PCSK5: variants seen among roughly 807,000 people sequenced by gnomAD.
The protein encoded by PCSK5 is prohormone convertase 5.
PCSK5 carries 129 observed loss-of-function variants against 233.2 expected under a neutral mutation model. The observed-to-expected ratio is 0.55, with a 90% CI of 0.48 to 0.64. PCSK5 has a LOEUF of 0.64. Ranked by LOEUF, PCSK5 falls within the 30% of genes least tolerant of loss-of-function variation. The pLI is 0.00. For missense variants in PCSK5, 2,076 were observed against 2,430.1 expected (o/e 0.85, Z 3.06); for synonymous variants, 825 against 879.2 (o/e 0.94, Z 1.09).
At chr9:76,041,140 G>A (rs189577780) in intron 5 of PCSK5, among the ~76,000 whole-genome samples, 76 of 152,252 alleles carry the variant, frequency 5.0e-4, no homozygotes, top group African/African-American at 1.5e-3. Context: ...TCTTATTTAC[G>A]TGGTAGAATT....
At chr9:76,088,571 T>C (rs1479512956) in intron 7 of PCSK5, among the ~76,000 whole-genome samples, 2 of 152,186 alleles carry the variant, frequency 1.3e-5, no homozygotes, top group Admixed American at 1.3e-4. Context: ...AAGTTACTTG[T>C]GGATTTTTTG....
chr9:76,327,694 G>A (rs1270074409), intron 32 of PCSK5, among the ~76,000 whole-genome samples: 1 of 152,264 alleles, frequency 6.6e-6, no homozygotes, highest in South Asian at 2.1e-4. Flanking sequence ...AGAATGGCTT[G>A]TTATTATTTT....
At chr9:76,161,741 G>A (rs1822869259) in intron 12 of PCSK5, among the ~76,000 whole-genome samples, 1 of 152,224 alleles carries the variant, frequency 6.6e-6, no homozygotes, top group African/African-American at 2.4e-5. Context: ...GCATTTGGTG[G>A]ATTGCAGTGT....
In PCSK5 at chr9:76,248,140, G is replaced by T. The variant is rs547298433; in HGVS notation, c.3142+7456G>T. On this transcript the variant is annotated intron_variant, in intron 24 of 37. Coordinates refer to ENST00000674117, the MANE Select transcript of PCSK5 (RefSeq NM_001372043.1). ...AGATGGGGTCGCACTATACTTACCA[G>T]GCTGGTCTTGAACTCCTGGCCTCAA... Among the ~76,000 whole-genome samples, 131 of 152,086 alleles carry T rather than the reference G, an allele frequency of 8.6e-4. 1 individual carries two copies. Among genetic ancestry groups the T allele is most frequent in the Admixed American group, 2.0e-3 (31 of 15,264 alleles).
At chr9:76,255,134 A>G (rs999998230) in intron 24 of PCSK5, among the ~76,000 whole-genome samples, 4 of 152,070 alleles carry the variant, frequency 2.6e-5, no homozygotes, top group African/African-American at 9.7e-5. Flanking sequence ...TAAAAATACA[A>G]AAATTAATTG....
intron 35 of PCSK5, among the ~76,000 whole-genome samples, chr9:76,345,756 G>C (rs1829963400): frequency 2.0e-5 from 3 of 151,596 alleles, no homozygotes; most frequent in African/African-American, 7.3e-5. Flanking sequence ...GTCTCGCTTT[G>C]TTGCCCAGGC....
chr9:76,087,862 G>A (rs552925756), intron 7 of PCSK5, among the ~76,000 whole-genome samples: 1 of 152,286 alleles, frequency 6.6e-6, no homozygotes, highest in Non-Finnish European at 1.5e-5. Flanking sequence ...GGAGGAAGAG[G>A]AGGGAGTGAA....
chr9:76,040,385 G>GTCTCTCTGTC (rs1563988638), intron 5 of PCSK5, among the ~76,000 whole-genome samples: 79 of 80,662 alleles, frequency 9.8e-4, no homozygotes, highest in Admixed American at 5.5e-3. Context: ...CTCTCTCTCT[G>GTCTCTCTGTC]TCTCTCTCTC....
At chr9:76,234,775 G>A (rs1826198100) in intron 22 of PCSK5, among the ~76,000 whole-genome samples, 1 of 152,194 alleles carries the variant, frequency 6.6e-6, no homozygotes, top group African/African-American at 2.4e-5. Context: ...GTGAGCACTT[G>A]GAATATTAAC....
At chr9:76,166,076 A>C (rs1823074116) in intron 12 of PCSK5, among the ~76,000 whole-genome samples, 1 of 152,204 alleles carries the variant, frequency 6.6e-6, no homozygotes, top group African/African-American at 2.4e-5. Flanking sequence ...ACACACAACA[A>C]TGTGTACTTA....
At chr9:76,069,541 C>T (rs1360184977) in intron 6 of PCSK5, among the ~76,000 whole-genome samples, 1 of 151,644 alleles carries the variant, frequency 6.6e-6, no homozygotes, top group South Asian at 2.1e-4. Context: ...AACCCCCATA[C>T]CCAAGGCATG....
At chr9:75,969,071 G>C (rs767822572) in intron 2 of PCSK5, among the ~76,000 whole-genome samples, 6 of 152,076 alleles carry the variant, frequency 3.9e-5, no homozygotes, top group Non-Finnish European at 8.8e-5. Flanking sequence ...TCACAGCTGA[G>C]GATGGTTCTC....
chr9:76,268,686 AATAC>A (rs1451093650), intron 24 of PCSK5, among the ~76,000 whole-genome samples: 2 of 152,152 alleles, frequency 1.3e-5, no homozygotes, highest in Admixed American at 1.3e-4. Flanking sequence ...TCTACAAAAA[AATAC>A]AAAAACTAGC....
At chr9:75,961,784 A>T (rs1200991040) in intron 2 of PCSK5, among the ~76,000 whole-genome samples, 1 of 152,256 alleles carries the variant, frequency 6.6e-6, no homozygotes, top group East Asian at 1.9e-4. Flanking sequence ...TGATGAAGTG[A>T]TAATATTTTG....
chr9:76,203,451 G>C (rs2131273109), intron 20 of PCSK5, among the ~76,000 whole-genome samples: 1 of 151,830 alleles, frequency 6.6e-6, no homozygotes, highest in East Asian at 2.0e-4. Flanking sequence ...GCCCAAGGTA[G>C]AGGCAATCAG....
At chr9:76,096,995 G>A (rs1211793612) in intron 8 of PCSK5, among the ~76,000 whole-genome samples, 1 of 151,218 alleles carries the variant, frequency 6.6e-6, no homozygotes, top group Non-Finnish European at 1.5e-5. Flanking sequence ...ACAGTGGTGC[G>A]ATCTCGGCTC....
Position 76,161,581 on chromosome 9 carries a change from G to T in PCSK5, c.1619+2410G>T, listed in dbSNP as rs145253591. Among the ~76,000 whole-genome samples, 425 of 152,124 alleles carry T rather than the reference G, an allele frequency of 2.8e-3. 1 individual carries two copies. The highest frequency in any genetic ancestry group is 9.6e-3 in the African/African-American group (397 of 41,492). On this transcript the variant is annotated intron_variant, in intron 12 of 37. Transcript: ENST00000674117. ...GAGCCCCCTTCCTTGTAGAGAAACA[G>T]TCCCTCCGCTGTTGCTGTTTGCTTG...
At chr9:76,158,488 C>G (rs969249592) in intron 11 of PCSK5, among the ~76,000 whole-genome samples, 1 of 152,120 alleles carries the variant, frequency 6.6e-6, no homozygotes, top group African/African-American at 2.4e-5. Flanking sequence ...AGATGAGAAC[C>G]TATAGACAAG....
At chr9:75,932,950 C>CT (rs1823876787) in intron 2 of PCSK5, among the ~76,000 whole-genome samples, 1 of 152,144 alleles carries the variant, frequency 6.6e-6, no homozygotes, top group Non-Finnish European at 1.5e-5. Context: ...CATTGGCAGC[C>CT]TCAGGACTAG....
Sources: gnomAD v4.1 joint callset for allele counts (sites outside exome capture counted in the v4.1 genomes callset) on GRCh38, gnomAD v4.1.1 for gene constraint, MANE v1.5 for transcripts, NCBI Gene and HGNC (gene_info 2026-07-23, HGNC 2026-07-21) for gene names.